Variants in ACVRL1 observed in about 807,000 individuals in gnomAD.
The protein encoded by ACVRL1 is activin A receptor like type 1.
ACVRL1 carries 20 observed loss-of-function variants against 51.9 expected under a neutral mutation model. The ratio of observed to expected loss-of-function variants is 0.39; its 90% CI spans 0.27 to 0.56. The LOEUF is 0.56. Among genes scored for constraint, ACVRL1 ranks in the 20% least tolerant of loss-of-function variants. The pLI, the probability that ACVRL1 is intolerant of heterozygous loss-of-function variation, is 0.67. For missense variants in ACVRL1, 451 were observed against 670.3 expected (o/e 0.67, Z 3.61); for synonymous variants, 288 against 280.9 (o/e 1.03, Z -0.25).
At chr12:51,916,838 G>A (rs1424649086) in intron 8 of ACVRL1, among the ~76,000 whole-genome samples, 1 of 152,144 alleles carries the variant, frequency 6.6e-6, no homozygotes, top group Admixed American at 6.6e-5. Context: ...GCTGGCTGTG[G>A]TGGCACACAC....
rs566776285 is a variant in ACVRL1, at chr12:51,915,586, T to C, written c.1048+86T>C. ...CTCCTTTGCCTGTGGGCGGTGACCA[T>C]GATTAGCACTTGAAAATTTAGAGGT... is the stretch of plus-strand genomic sequence containing the variant. On this transcript the variant is annotated intron_variant, in intron 7 of 9. Coordinates refer to ENST00000388922, the MANE Select transcript of ACVRL1 (RefSeq NM_000020.3). 1.3e-5 allele frequency: 19 copies of C among 1,484,982 alleles called. No homozygotes were observed. In the African/African-American group the frequency reaches 2.2e-4, roughly 17 times the overall value. 92.0% of individuals were successfully genotyped at this position (1,484,982 alleles called of 1,614,324 possible). A position where few individuals can be genotyped will look rare whatever the true frequency, so the allele number is the denominator to read the frequency against.
chr12:51,909,068 G>C (rs1455416921), intron 1 of ACVRL1, among the ~76,000 whole-genome samples: 1 of 152,202 alleles, frequency 6.6e-6, no homozygotes. Context: ...TGCAGAGTGA[G>C]TCCAGAAGGT....
intron 9 of ACVRL1, 69 bp from the exon 10 acceptor site, chr12:51,920,690 C>G (rs1293510809): frequency 3.2e-6 from 5 of 1,572,140 alleles, no homozygotes; most frequent in Non-Finnish European, 4.3e-6. Context: ...ATCTCTCTCC[C>G]GACCCCCTCC....
intron 9 of ACVRL1, chr12:51,919,373 G>A (rs1940916720): frequency 4.2e-6 from 2 of 476,370 alleles, no homozygotes; most frequent in South Asian, 2.1e-5. Context: ...CTGTGTGTGT[G>A]TGTGTGTGTG....
chr12:51,921,161 A>G lies in ACVRL1; in HGVS notation c.*268A>G. 1 of 482,216 alleles carries G rather than the reference A, an allele frequency of 2.1e-6. No homozygotes were observed. The highest frequency in any genetic ancestry group is 2.0e-5 in the South Asian group (1 of 48,952). The allele number at this position is 482,216 out of a possible 1,614,324, so 29.9% of individuals were successfully genotyped here. On this transcript the variant is annotated 3_prime_UTR_variant, in exon 10 of 10. Coordinates refer to ENST00000388922, the MANE Select transcript of ACVRL1 (RefSeq NM_000020.3). ...TGGCCAGCATGGTGCACCCCCTACC[A>G]CTCCCGGGACAGGATGCAAAAGAGG...
intron 8 of ACVRL1, among the ~76,000 whole-genome samples, chr12:51,918,095 G>T (rs779652736): frequency 6.6e-6 from 1 of 152,226 alleles, no homozygotes; most frequent in Admixed American, 6.5e-5. Context: ...TGGGAAACAG[G>T]ATGGGGCACG....
In ACVRL1 at chr12:51,921,252, G is replaced by T. The variant is rs1940973742; in HGVS notation, c.*359G>T. ...GACTCAGAGCCCGGGCCTGCACTTT[G>T]CCCCCTGCCCTTGATCAACCCCACT... is the stretch of plus-strand genomic sequence containing the variant. On this transcript the variant is annotated 3_prime_UTR_variant, in exon 10 of 10. Coordinates refer to ENST00000388922, the MANE Select transcript of ACVRL1 (RefSeq NM_000020.3). The T allele has an allele frequency of 2.8e-6, 1 of 354,018 alleles. No homozygotes were observed. Among genetic ancestry groups the T allele is most frequent in the Non-Finnish European group, 5.5e-6 (1 of 181,212 alleles). 21.9% of individuals were successfully genotyped at this position (354,018 alleles called of 1,614,324 possible).
intron 7 of ACVRL1, 114 bp from the exon 8 acceptor site, chr12:51,915,922 G>T: frequency 5.1e-6 from 6 of 1,179,060 alleles, no homozygotes; most frequent in Non-Finnish European, 7.2e-6. Flanking sequence ...CTCCGTGCAC[G>T]TCTCCATCTG....
Position 51,920,886 on chromosome 12 carries a change from T to G in ACVRL1, c.1505T>G (p.Ile502Ser). Residue 502 changes from isoleucine (I) to serine (S), a missense_variant, in exon 10 of 10, where the codon ATT (isoleucine) becomes AGT (serine). By Grantham distance (142) the Ile-to-Ser change is moderately radical. Around this residue, in one of 2 missense-constraint regions of ACVRL1, gnomAD observed 259 missense variants for 453.4 expected, o/e 0.57. Transcript: ENST00000388922. The stretch of plus-strand genomic sequence containing the variant: ...AACAGTCCAGAGAAGCCTAAAGTGA[T>G]TCAATAGCCCAGGAGCACCTGATTC... ...ISNSPEKPKV[I>S]Q 1 of 1,481,856 alleles carries G rather than the reference T, an allele frequency of 6.7e-7. No individual in the cohort carries two copies. Among genetic ancestry groups the G allele is most frequent in the Non-Finnish European group, 9.1e-7 (1 of 1,098,192 alleles). The allele number at this position is 1,481,856 out of a possible 1,614,324, so 91.8% of individuals were successfully genotyped here.
intron 8 of ACVRL1, among the ~76,000 whole-genome samples, chr12:51,916,867 G>A (rs545578669): frequency 4.6e-5 from 7 of 152,302 alleles, no homozygotes; most frequent in African/African-American, 1.4e-4. Context: ...CCAGCTACTC[G>A]GGAGGCTGAG....
At position 51,913,114 on chromosome 12, in the gene ACVRL1, C is replaced by T. The variant is rs199542304; in HGVS notation, c.77C>T (p.Pro26Leu). Residue 26 changes from proline to leucine, a missense_variant, in exon 3 of 10, where the codon CCG (proline) becomes CTG (leucine). Around this residue, in one of 2 missense-constraint regions of ACVRL1, gnomAD observed 192 missense variants for 216.9 expected, o/e 0.89. Coordinates refer to ENST00000388922, the MANE Select transcript of ACVRL1 (RefSeq NM_000020.3). ...ALVTQGDPVKPSRGPLVTCTC... is the reference protein window; with the variant it reads ...ALVTQGDPVKLSRGPLVTCTC... ...TGTCTTCCAGGAGACCCTGTGAAGC[C>T]GTCTCGGGGCCCGCTGGTGACCTGC... 8.2e-5 allele frequency: 131 copies of T among 1,605,188 alleles called. No homozygotes were observed. The East Asian group carries it at 1.2e-3, about 15-fold the overall frequency.
intron 7 of ACVRL1, 149 bp downstream of exon 7, chr12:51,915,649 G>A (rs1940818769): frequency 9.8e-6 from 11 of 1,122,852 alleles, no homozygotes; most frequent in Non-Finnish European, 1.2e-5. Context: ...GACCCCACGA[G>A]TTGTCTGAAC....
intron 9 of ACVRL1, 60 bp from the exon 10 acceptor site, chr12:51,920,699 C>G (rs1940952772): frequency 6.3e-7 from 1 of 1,594,994 alleles, no homozygotes; most frequent in Non-Finnish European, 8.6e-7. Context: ...CCGACCCCCT[C>G]CTCTTCTCTG....
chr12:51,919,370 T>TGG, intron 9 of ACVRL1: 1 of 449,316 alleles, frequency 2.2e-6, no homozygotes. Flanking sequence ...GCTCTGTGTG[T>TGG]GTGTGTGTGT....
At position 51,921,550 on chromosome 12, in the gene ACVRL1, G is replaced by C. The variant is rs1940981181; in HGVS notation, c.*657G>C. 6.3e-6 allele frequency: 1 copy of C among 159,208 alleles called. No individual in the cohort carries two copies. The highest frequency in any genetic ancestry group is 1.8e-4 in the South Asian group (1 of 5,544). The allele number at this position is 159,208 out of a possible 1,614,324, so 9.9% of individuals were successfully genotyped here. A position where few individuals can be genotyped will look rare whatever the true frequency, so the allele number is the denominator to read the frequency against. On this transcript the variant is annotated 3_prime_UTR_variant, in exon 10 of 10. Transcript: ENST00000388922. ...CCTACTGAGGTGTGGCAGGATCACA[G>C]GCCAGTGGAAAAAGGGCAGGTCAGA...
rs1443328603 is a variant in ACVRL1 at position 51,907,853 on chromosome 12, A to G, written c.-6+158A>G. On this transcript the variant is annotated intron_variant, in intron 1 of 9. Coordinates refer to ENST00000388922, the MANE Select transcript of ACVRL1 (RefSeq NM_000020.3). This position sits in a 1 kb window ranked among gnomAD's most constrained non-coding sequence, Gnocchi z 4.5. The stretch of plus-strand genomic sequence containing the variant: ...GCAAGCTGCTCCTGGCTGACCACGC[A>G]CAGCTCCCATGACCCTACCTGAGAC... Among the ~76,000 whole-genome samples, 3 of 152,304 alleles carry G rather than the reference A, an allele frequency of 2.0e-5. No individual in the cohort carries two copies. The highest frequency in any genetic ancestry group is 3.9e-4 in the East Asian group (2 of 5,178).
upstream of ACVRL1, chr12:51,907,368 T>G (rs1437071615): frequency 6.6e-6 from 1 of 152,264 alleles, no homozygotes; most frequent in East Asian, 1.9e-4. This position sits in a 1 kb window ranked among gnomAD's most constrained non-coding sequence, Gnocchi z 4.5. Context: ...GTCCCGGTCC[T>G]GCAGCCCCAG....
At chr12:51,918,932 A>T in intron 8 of ACVRL1, 53 bp from the exon 9 acceptor site, 1 of 1,613,504 alleles carries the variant, frequency 6.2e-7, no homozygotes, top group Non-Finnish European at 8.5e-7. Context: ...TCTGGGTGGT[A>T]TTGGGCCTCC....
At chr12:51,915,598 G>A in intron 7 of ACVRL1, 98 bp downstream of exon 7, 1 of 1,447,854 alleles carries the variant, frequency 6.9e-7, no homozygotes, top group East Asian at 2.4e-5. Context: ...ATTAGCACTT[G>A]AAAATTTAGA....
Sources: gnomAD v4.1 joint callset for allele counts (sites outside exome capture counted in the v4.1 genomes callset) on GRCh38, gnomAD v4.1.1 for gene constraint, gnomAD v4.1.1 regional missense constraint, Gnocchi (gnomAD v3.1) non-coding constraint, MANE v1.5 for transcripts, NCBI Gene and HGNC (gene_info 2026-07-23, HGNC 2026-07-21) for gene names.